The following SV2C variants were observed in gnomAD, a reference collection of about 807,000 sequenced individuals.
The protein encoded by SV2C is synaptic vesicle glycoprotein 2C.
SV2C carries 49 observed loss-of-function variants against 79.7 expected under a neutral mutation model. The observed-to-expected ratio is 0.61, with a 90% CI of 0.49 to 0.78. SV2C has a LOEUF of 0.78. Ranked by LOEUF, SV2C falls within the 30% of genes least tolerant of loss-of-function variation. The pLI is 0.00. For missense variants in SV2C, 833 were observed against 912.9 expected (o/e 0.91, Z 1.13); for synonymous variants, 334 against 333.2 (o/e 1.00, Z -0.03).
At chr5:76,122,687 C>G (rs1250244205) in intron 1 of SV2C, among the ~76,000 whole-genome samples, 1 of 151,596 alleles carries the variant, frequency 6.6e-6, no homozygotes, top group Non-Finnish European at 1.5e-5. Flanking sequence ...AGAACAAAGA[C>G]ACAACATACC....
chr5:76,269,695 G>A (rs752845551), intron 4 of SV2C, among the ~76,000 whole-genome samples: 6 of 152,158 alleles, frequency 3.9e-5, no homozygotes, highest in African/African-American at 4.8e-5. Context: ...TAGCATTCTG[G>A]TCAAAGCTGG....
At chr5:76,273,466 G>A (rs1746935092) in intron 4 of SV2C, among the ~76,000 whole-genome samples, 1 of 151,800 alleles carries the variant, frequency 6.6e-6, no homozygotes, top group Non-Finnish European at 1.5e-5. Flanking sequence ...GGCACTCACA[G>A]AAGATATTCC....
At chr5:76,271,073 C>T (rs1746837153) in intron 4 of SV2C, among the ~76,000 whole-genome samples, 1 of 151,888 alleles carries the variant, frequency 6.6e-6, no homozygotes, top group Admixed American at 6.6e-5. Context: ...CTGACCTAAT[C>T]GCTATGATTT....
intron 1 of SV2C, among the ~76,000 whole-genome samples, chr5:76,099,794 C>G (rs540289511): frequency 6.6e-6 from 1 of 152,238 alleles, no homozygotes; most frequent in East Asian, 1.9e-4. Flanking sequence ...CCAGGTTTTC[C>G]TTCTCTTCAT....
At chr5:76,120,802 A>G (rs1342863984) in intron 1 of SV2C, among the ~76,000 whole-genome samples, 1 of 150,272 alleles carries the variant, frequency 6.7e-6, no homozygotes, top group African/African-American at 2.5e-5. Flanking sequence ...AGTCTTTGCT[A>G]TTGTGAATAG....
At chr5:76,310,979 G>T (rs1748416693) in intron 12 of SV2C, among the ~76,000 whole-genome samples, 1 of 152,192 alleles carries the variant, frequency 6.6e-6, no homozygotes, top group South Asian at 2.1e-4. Flanking sequence ...CAAAAATGGT[G>T]TATGACATTG....
intron 2 of SV2C, among the ~76,000 whole-genome samples, chr5:76,168,688 T>C (rs546771518): frequency 6.6e-6 from 1 of 152,358 alleles, no homozygotes; most frequent in South Asian, 2.1e-4. Context: ...TACTTCTCTC[T>C]TAAATTATGT....
At chr5:75,977,942 G>C in the SV2C span, among the ~76,000 whole-genome samples, 9 of 152,122 alleles carry the variant, frequency 5.9e-5, no homozygotes, top group Non-Finnish European at 1.2e-4. Flanking sequence ...AGCCATTCCT[G>C]GGCTGTCATC....
At chr5:76,178,034 T>C (rs1198203312) in intron 2 of SV2C, among the ~76,000 whole-genome samples, 1 of 152,234 alleles carries the variant, frequency 6.6e-6, no homozygotes, top group African/African-American at 2.4e-5. Flanking sequence ...CTGTTTCTCA[T>C]GCATTTTGGG....
chr5:75,915,329 G>T, the SV2C span, among the ~76,000 whole-genome samples: 1 of 152,264 alleles, frequency 6.6e-6, no homozygotes, highest in South Asian at 2.1e-4. Flanking sequence ...TCATGTTACA[G>T]CAATAAATGC....
At chr5:76,077,433 A>C in the SV2C span, among the ~76,000 whole-genome samples, 2 of 152,358 alleles carry the variant, frequency 1.3e-5, no homozygotes, top group East Asian at 3.9e-4. Context: ...GGTAGACCTT[A>C]TTTGGATCTT....
the SV2C span, among the ~76,000 whole-genome samples, chr5:75,917,764 A>G: frequency 6.6e-6 from 1 of 152,184 alleles, no homozygotes; most frequent in Non-Finnish European, 1.5e-5. Context: ...ATAGGACAAT[A>G]GGGTGACTAT....
At chr5:76,256,119 G>A (rs895613862) in intron 4 of SV2C, among the ~76,000 whole-genome samples, 2 of 152,130 alleles carry the variant, frequency 1.3e-5, no homozygotes, top group Non-Finnish European at 2.9e-5. Context: ...CTTTCACCAA[G>A]GCCACTTTGT....
chr5:76,013,770 T>C, the SV2C span, among the ~76,000 whole-genome samples: 1 of 152,136 alleles, frequency 6.6e-6, no homozygotes, highest in South Asian at 2.1e-4. Context: ...GGCACTTGCA[T>C]GTATGTGGAG....
chr5:76,020,518 G>A, the SV2C span, among the ~76,000 whole-genome samples: 1 of 152,270 alleles, frequency 6.6e-6, no homozygotes, highest in Admixed American at 6.5e-5. Flanking sequence ...ATCTAACGGC[G>A]AGGGTAGCTC....
At chr5:76,004,877 C>G in the SV2C span, among the ~76,000 whole-genome samples, 1 of 152,152 alleles carries the variant, frequency 6.6e-6, no homozygotes, top group African/African-American at 2.4e-5. Context: ...TCCAAAGCCT[C>G]TACCTGGAAT....
Position 76,181,142 on chromosome 5 carries a change from G to A in SV2C, c.581-13777G>A, listed in dbSNP as rs376634341. On this transcript the variant is annotated intron_variant, in intron 2 of 12. Transcript: ENST00000502798. ...AATACACACCTACCCTCAGGCAAAC[G>A]CTTCCTCTAAAGCAGGAGTCCATAA... 7.9e-5 allele frequency among the ~76,000 whole-genome samples: 12 copies of A among 151,998 alleles called. No homozygotes were observed. The East Asian group carries it at 1.2e-3, about 15-fold the overall frequency.
chr5:76,283,595 G>C (rs1747260347), intron 4 of SV2C, among the ~76,000 whole-genome samples: 1 of 151,978 alleles, frequency 6.6e-6, no homozygotes, highest in Non-Finnish European at 1.5e-5. Flanking sequence ...GTTTTTTTCT[G>C]CATTTTGGAT....
intron 2 of SV2C, among the ~76,000 whole-genome samples, chr5:76,183,321 A>T (rs1187555283): frequency 6.6e-6 from 1 of 151,820 alleles, no homozygotes; most frequent in Non-Finnish European, 1.5e-5. Flanking sequence ...CACCATGCCC[A>T]GCTGAGAACC....
Sources: allele counts gnomAD v4.1 joint callset (sites outside exome capture counted in the v4.1 genomes callset), GRCh38; gene constraint gnomAD v4.1.1; transcripts MANE v1.5; gene names NCBI Gene and HGNC (gene_info 2026-07-23, HGNC 2026-07-21).